The following VOPP1 variants were observed in gnomAD, a reference collection of about 807,000 sequenced individuals.
VOPP1 encodes VOPP1 WW domain binding protein, also known as WW domain binding protein VOPP1.
A neutral mutation model predicts 23.5 loss-of-function variants in VOPP1; 8 were observed. The ratio of observed to expected loss-of-function variants is 0.34; its 90% CI spans 0.20 to 0.61. VOPP1 has a LOEUF of 0.61. Ranked by LOEUF, VOPP1 falls within the 20% of genes least tolerant of loss-of-function variation. The probability of loss-of-function intolerance (pLI) is 0.78; values close to 1 mark genes in which losing one functional copy is unlikely to be tolerated. For missense variants in VOPP1, 174 were observed against 238.1 expected, an observed-to-expected ratio of 0.73 and a Z score of 1.77; for synonymous variants, 83 against 97.3, an observed-to-expected ratio of 0.85 and a Z score of 0.86.
At chr7:55,516,779 A>G (rs921168116) in intron 2 of VOPP1, among the ~76,000 whole-genome samples, 2 of 151,874 alleles carry the variant, frequency 1.3e-5, no homozygotes, top group African/African-American at 4.8e-5. Context: ...CCTCTAACAA[A>G]ATAGGACACC....
intron 2 of VOPP1, among the ~76,000 whole-genome samples, chr7:55,518,618 G>C (rs1365219649): frequency 6.6e-6 from 1 of 152,236 alleles, no homozygotes; most frequent in East Asian, 1.9e-4. Flanking sequence ...TACATGGGTT[G>C]GCGCTGCTGA....
At chr7:55,489,489 C>CT (rs1326741691) in intron 4 of VOPP1, among the ~76,000 whole-genome samples, 1 of 152,188 alleles carries the variant, frequency 6.6e-6, no homozygotes, top group African/African-American at 2.4e-5. Context: ...GCATTCTCAA[C>CT]TTTCTCTCCC....
intron 4 of VOPP1, among the ~76,000 whole-genome samples, chr7:55,449,238 G>T (rs939391925): frequency 1.3e-5 from 2 of 152,228 alleles, no homozygotes; most frequent in African/African-American, 4.8e-5. Flanking sequence ...AGGCGGTCCC[G>T]ATCCCGCGGC....
At position 55,465,240 on chromosome 7, in the gene VOPP1, C is replaced by T. The variant is rs73698731; in HGVS notation, n.417+27042G>A. ...GATGTACAAAATACTGTTTACACTT[C>T]GAGGTTTGTTCTGGGATGCTCGCAG... On this transcript the variant is annotated intron_variant and non_coding_transcript_variant, in intron 4 of 4. Coordinates refer to the VOPP1 transcript ENST00000462326. Among the ~76,000 whole-genome samples the T allele has an allele frequency of 5.8e-3, 889 of 152,278 alleles. 12 individuals are homozygous for T. The highest frequency in any genetic ancestry group is 0.02 in the African/African-American group (835 of 41,536).
intron 1 of VOPP1, among the ~76,000 whole-genome samples, chr7:55,536,696 A>G (rs369831399): frequency 1.0e-3 from 157 of 152,258 alleles, no homozygotes; most frequent in African/African-American, 3.5e-3. Flanking sequence ...AGGACTGAAC[A>G]ATGACACTGA....
chr7:55,552,006 G>C (rs988258308), intron 1 of VOPP1, among the ~76,000 whole-genome samples: 1 of 125,386 alleles, frequency 8.0e-6, no homozygotes, highest in Non-Finnish European at 1.6e-5. Flanking sequence ...TGGGCAACAA[G>C]AGTGAGACTG....
chr7:55,514,582 G>A (rs1157258154), intron 2 of VOPP1, among the ~76,000 whole-genome samples: 1 of 152,150 alleles, frequency 6.6e-6, no homozygotes, highest in African/African-American at 2.4e-5. Context: ...GGCACAGAAG[G>A]TATAAAAATC....
chr7:55,528,282 G>C (rs759898986), intron 1 of VOPP1, among the ~76,000 whole-genome samples: 2 of 152,168 alleles, frequency 1.3e-5, no homozygotes, highest in Non-Finnish European at 2.9e-5. Context: ...AATATGGAAA[G>C]CCATGTACCG....
At chr7:55,491,108 C>T (rs1280614675) in intron 4 of VOPP1, among the ~76,000 whole-genome samples, 1 of 152,192 alleles carries the variant, frequency 6.6e-6, no homozygotes, top group Non-Finnish European at 1.5e-5. Flanking sequence ...GACCTACAAC[C>T]TGATGAGTTT....
chr7:55,485,895 T>C (rs944309746), intron 4 of VOPP1, among the ~76,000 whole-genome samples: 3 of 152,176 alleles, frequency 2.0e-5, no homozygotes, highest in African/African-American at 7.2e-5. Flanking sequence ...GGGAGAAAAG[T>C]GCAATGGTAG....
chr7:55,531,697 T>C (rs1175868743), intron 1 of VOPP1, among the ~76,000 whole-genome samples: 1 of 152,084 alleles, frequency 6.6e-6, no homozygotes, highest in African/African-American at 2.4e-5. Flanking sequence ...AGAGTAACAT[T>C]ATGAAAAAAA....
chr7:55,531,557 G>C (rs190627968), intron 1 of VOPP1, among the ~76,000 whole-genome samples: 69 of 152,106 alleles, frequency 4.5e-4, no homozygotes, highest in African/African-American at 1.6e-3. Flanking sequence ...GCACCCTGTT[G>C]GCCAGGCTGG....
At chr7:55,464,128 ACC>A (rs200844557) in intron 4 of VOPP1, among the ~76,000 whole-genome samples, 1,829 of 152,280 alleles carry the variant, frequency 0.012, 13 homozygotes, top group Admixed American at 0.021. Context: ...ATGTCTGGGT[ACC>A]AGCAGCAGTG....
intron 4 of VOPP1, among the ~76,000 whole-genome samples, chr7:55,442,797 A>C (rs1790999281): frequency 6.6e-6 from 1 of 152,224 alleles, no homozygotes; most frequent in East Asian, 1.9e-4. Context: ...GTGAAGCTGC[A>C]AGAAAAACGA....
In VOPP1 at chr7:55,449,007, A is replaced by T. The variant is rs144595788; in HGVS notation, n.418-12833T>A. On this transcript the variant is annotated intron_variant and non_coding_transcript_variant, in intron 4 of 4. Coordinates refer to the VOPP1 transcript ENST00000462326. The stretch of plus-strand genomic sequence containing the variant: ...AAATACCATGAAAAATATTGGAGTA[A>T]AACAGAGACTCCCGTGTGGGTCCCG... 5.6e-3 allele frequency among the ~76,000 whole-genome samples: 850 copies of T among 152,266 alleles called. 8 individuals carry two copies. The highest frequency in any genetic ancestry group is 0.018 in the African/African-American group (737 of 41,548).
At chr7:55,558,311 A>G (rs1797877037) in intron 1 of VOPP1, among the ~76,000 whole-genome samples, 1 of 152,164 alleles carries the variant, frequency 6.6e-6, no homozygotes, top group African/African-American at 2.4e-5. Flanking sequence ...CTTATCTCCA[A>G]ACTCATCAAG....
Position 55,472,850 on chromosome 7 carries a change from C to T in VOPP1, c.*5G>A. On this transcript the variant is annotated 3_prime_UTR_variant, in exon 5 of 5. Coordinates refer to ENST00000285279, the MANE Select transcript of VOPP1 (RefSeq NM_030796.5). ...CTGTCTCTCCTCTTGCACGTGGGCA[C>T]CCCACTACTTGGCCTTCACTACCTG... The T allele has an allele frequency of 8.3e-7, 1 of 1,203,352 alleles. No individual in the cohort carries two copies. The highest frequency in any genetic ancestry group is 1.1e-6 in the Non-Finnish European group (1 of 902,714). 74.5% of individuals were successfully genotyped at this position (1,203,352 alleles called of 1,614,324 possible).
intron 4 of VOPP1, among the ~76,000 whole-genome samples, chr7:55,474,610 G>A (rs991109286): frequency 1.3e-5 from 2 of 152,216 alleles, no homozygotes; most frequent in African/African-American, 4.8e-5. Context: ...AGGAGAACAG[G>A]GGCTCTGCAA....
chr7:55,529,295 G>A (rs574238695), intron 1 of VOPP1, among the ~76,000 whole-genome samples: 2 of 149,740 alleles, frequency 1.3e-5, no homozygotes, highest in South Asian at 4.2e-4. Context: ...AACCTGGGAG[G>A]CGGAGGTTAC....
Sources: allele counts gnomAD v4.1 joint callset (sites outside exome capture counted in the v4.1 genomes callset), GRCh38; gene constraint gnomAD v4.1.1; transcripts MANE v1.5; gene names NCBI Gene and HGNC (gene_info 2026-07-23, HGNC 2026-07-21).